The following EYS variants were observed in gnomAD, a reference collection of about 807,000 sequenced individuals.
EYS encodes the protein protein eyes shut homolog.
In EYS, 250 loss-of-function variants were observed where a neutral mutation model predicts 282.1. The observed-to-expected ratio is 0.89, with a 90% CI of 0.80 to 0.98. EYS has a LOEUF of 0.98. EYS is among the 50% of genes least tolerant of loss of function. The probability of loss-of-function intolerance (pLI) is 0.00; values close to 1 mark genes in which losing one functional copy is unlikely to be tolerated. For synonymous variants in EYS, 1,355 were observed against 1,282.9 expected (o/e 1.06, Z -1.20); for missense variants, 4,016 against 3,709.0 (o/e 1.08, Z -2.15).
intron 35 of EYS, among the ~76,000 whole-genome samples, chr6:63,914,712 G>A (rs1368757374): frequency 6.5e-5 from 6 of 92,002 alleles, no homozygotes; most frequent in East Asian, 5.8e-4. Context: ...TGTCTCAACC[G>A]TCTCAAAAAA....
At chr6:64,957,729 T>C (rs1769759579) in intron 14 of EYS, among the ~76,000 whole-genome samples, 1 of 152,132 alleles carries the variant, frequency 6.6e-6, no homozygotes, top group Non-Finnish European at 1.5e-5. Flanking sequence ...ATACACCTAT[T>C]ATGTACCCGC....
chr6:64,623,828 T>A (rs1472808556), intron 23 of EYS, among the ~76,000 whole-genome samples: 1 of 152,012 alleles, frequency 6.6e-6, no homozygotes, highest in African/African-American at 2.4e-5. Flanking sequence ...GAGAGTTAAT[T>A]TTACTGTGGG....
intron 36 of EYS, among the ~76,000 whole-genome samples, chr6:63,810,999 C>T (rs1264975098): frequency 5.9e-5 from 9 of 152,146 alleles, no homozygotes; most frequent in African/African-American, 1.4e-4. Context: ...TGACTCTGCC[C>T]GGGTATTTCA....
intron 24 of EYS, among the ~76,000 whole-genome samples, chr6:64,612,487 C>A (rs1316017292): frequency 2.0e-5 from 3 of 152,012 alleles, no homozygotes; most frequent in South Asian, 2.1e-4. Context: ...CATTTAAATT[C>A]TTTTACAGAA....
chr6:64,722,643 A>G (rs1017366766), intron 22 of EYS, among the ~76,000 whole-genome samples: 1 of 152,124 alleles, frequency 6.6e-6, no homozygotes, highest in Non-Finnish European at 1.5e-5. Context: ...AGTAAAACTA[A>G]TTTTTTTCAC....
rs750901785 is a variant in EYS, at chr6:65,495,016, C to T, written c.395G>A (p.Gly132Glu). 7 of 1,614,074 alleles carry T rather than the reference C, an allele frequency of 4.3e-6. No homozygotes were observed. The African/African-American group carries it at 9.3e-5, about 22-fold the overall frequency. Residue 132 changes from glycine (G) to glutamate (E), a missense_variant, in exon 4 of 43, where the codon GGA becomes GAA. Physicochemically the swap from Gly to Glu is moderately conservative, Grantham distance 98. Transcript: ENST00000503581. ...DQLLFGCRLK[G>E]MHTVNSKWLS... is the part of the protein sequence containing the mutation. ...CCACTTAGAATTAACAGTGTGCATT[C>T]CTTTTAGTCTGCAGCCAAAAAGTAA...
chr6:63,997,888 T>A (rs771467596), intron 34 of EYS, among the ~76,000 whole-genome samples: 1 of 152,106 alleles, frequency 6.6e-6, no homozygotes, highest in Non-Finnish European at 1.5e-5. Context: ...CTATAAGGAG[T>A]TAATAAAGAT....
chr6:65,059,125 G>A lies in EYS; in HGVS notation c.2024-1398C>T, dbSNP rs545711396. 4.6e-5 allele frequency among the ~76,000 whole-genome samples: 7 copies of A among 152,060 alleles called. No individual in the cohort carries two copies. In the South Asian group the frequency reaches 1.5e-3, roughly 32 times the overall value. ...GTGAATATTAAAAAGAATTATGTGA[G>A]TGAATGAAAACTTTTTAAACCTTAA... On this transcript the variant is annotated intron_variant, in intron 12 of 42. Transcript: ENST00000503581.
intron 26 of EYS, among the ~76,000 whole-genome samples, chr6:64,548,829 A>T (rs898830619): frequency 6.0e-5 from 7 of 117,142 alleles, no homozygotes; most frequent in Middle Eastern, 4.0e-3. Flanking sequence ...AAAGTATAAT[A>T]AAAAAAAAAG....
At chr6:64,941,319 G>T (rs1769083435) in intron 15 of EYS, among the ~76,000 whole-genome samples, 1 of 152,026 alleles carries the variant, frequency 6.6e-6, no homozygotes, top group Admixed American at 6.6e-5. Flanking sequence ...GGTGGAGGTT[G>T]CAGTGAGCCA....
At chr6:65,554,499 C>T (rs989538021) in intron 2 of EYS, among the ~76,000 whole-genome samples, 1 of 152,068 alleles carries the variant, frequency 6.6e-6, no homozygotes, top group Non-Finnish European at 1.5e-5. Flanking sequence ...TTGAAAGATG[C>T]TTTTCCTATA....
chr6:63,722,573 T>C (rs530483896), intron 42 of EYS, among the ~76,000 whole-genome samples: 2 of 152,340 alleles, frequency 1.3e-5, no homozygotes, highest in African/African-American at 4.8e-5. Context: ...AAAAAGCATG[T>C]TCTTCACTGT....
At chr6:64,407,366 G>A (rs1773752245) in intron 28 of EYS, among the ~76,000 whole-genome samples, 1 of 149,630 alleles carries the variant, frequency 6.7e-6, no homozygotes. Context: ...GTTGATGGGT[G>A]CAACAAAGCA....
intron 12 of EYS, among the ~76,000 whole-genome samples, chr6:65,168,497 C>T (rs1430201903): frequency 1.3e-5 from 2 of 151,230 alleles, no homozygotes; most frequent in Non-Finnish European, 3.0e-5. Flanking sequence ...TTCCCTGTAA[C>T]ATCAAATGAC....
In EYS at chr6:65,402,618, A is replaced by T. The variant is rs896666746; in HGVS notation, c.1057-13T>A. 1.3e-6 allele frequency: 2 copies of T among 1,541,590 alleles called. No homozygotes were observed. The highest frequency in any genetic ancestry group is 1.4e-5 in the African/African-American group (1 of 73,336). On this transcript the variant is annotated splice_polypyrimidine_tract_variant and intron_variant, in intron 6 of 42. Transcript: ENST00000503581. ...TGCACATAACATCCTAGGAAAGATT[A>T]AAAAAATATTTTTACAAAGTATTAT...
chr6:65,515,535 C>A (rs554226646), intron 2 of EYS, among the ~76,000 whole-genome samples: 1 of 151,686 alleles, frequency 6.6e-6, no homozygotes, highest in Non-Finnish European at 1.5e-5. Flanking sequence ...AGACTTGGAA[C>A]CAATCCAAAT....
chr6:65,069,960 G>C (rs1773858239), intron 12 of EYS, among the ~76,000 whole-genome samples: 1 of 151,852 alleles, frequency 6.6e-6, no homozygotes, highest in Admixed American at 6.6e-5. Flanking sequence ...AGATGCTCCT[G>C]TCAGAAAACT....
Position 64,164,354 on chromosome 6 carries a change from A to G in EYS, c.6424+66238T>C, listed in dbSNP as rs145649975. 4.7e-3 allele frequency among the ~76,000 whole-genome samples: 720 copies of G among 152,200 alleles called. 4 individuals carry two copies. Among genetic ancestry groups the G allele is most frequent in the African/African-American group, 0.017 (689 of 41,564 alleles). ...GTATTGCCTTGGAAAAAATTATTACAAAAGTTGTTGGATTTAGATCTTGAC... is the reference window on the plus strand; with the variant it reads ...GTATTGCCTTGGAAAAAATTATTACGAAAGTTGTTGGATTTAGATCTTGAC... On this transcript the variant is annotated intron_variant, in intron 31 of 42. Coordinates refer to ENST00000503581, the MANE Select transcript of EYS (RefSeq NM_001142800.2).
intron 12 of EYS, among the ~76,000 whole-genome samples, chr6:65,098,553 C>G (rs2150182079): frequency 6.6e-6 from 1 of 150,770 alleles, no homozygotes; most frequent in South Asian, 2.1e-4. Context: ...AGTAAATTGG[C>G]TTATCTTTTG....
Sources: gnomAD v4.1 joint callset for allele counts (sites outside exome capture counted in the v4.1 genomes callset) on GRCh38, gnomAD v4.1.1 for gene constraint, MANE v1.5 for transcripts, NCBI Gene and HGNC (gene_info 2026-07-23, HGNC 2026-07-21) for gene names.